Variants in TMEM117 observed in about 807,000 individuals in gnomAD.
TMEM117 encodes the protein transmembrane protein 117.
A neutral mutation model predicts 52.4 loss-of-function variants in TMEM117; 27 were observed. The observed-to-expected ratio is 0.51, with a 90% CI of 0.38 to 0.71. TMEM117 has a LOEUF of 0.71. Among genes scored for constraint, TMEM117 ranks in the 30% least tolerant of loss-of-function variants. The probability of loss-of-function intolerance (pLI) is 0.00; values close to 1 mark genes in which losing one functional copy is unlikely to be tolerated. For synonymous variants in TMEM117, 215 were observed against 206.3 expected (o/e 1.04, Z -0.36); for missense variants, 556 against 630.5 (o/e 0.88, Z 1.26).
intron 3 of TMEM117, among the ~76,000 whole-genome samples, chr12:44,092,952 A>G (rs1947698695): frequency 6.6e-6 from 1 of 152,196 alleles, no homozygotes; most frequent in South Asian, 2.1e-4. Context: ...GACTTGACCT[A>G]GTTTGGAGTG....
chr12:44,313,118 C>G (rs1367563570), intron 6 of TMEM117, among the ~76,000 whole-genome samples: 1 of 152,124 alleles, frequency 6.6e-6, no homozygotes, highest in Non-Finnish European at 1.5e-5. Flanking sequence ...TTAATTAGGT[C>G]TCACTTGTCA....
intron 4 of TMEM117, among the ~76,000 whole-genome samples, chr12:44,200,731 A>G (rs1243784093): frequency 6.6e-6 from 1 of 152,174 alleles, no homozygotes; most frequent in Non-Finnish European, 1.5e-5. Flanking sequence ...ATGTTTCAAG[A>G]CAATGAAAAG....
At chr12:44,040,743 A>C (rs1946783808) in intron 3 of TMEM117, among the ~76,000 whole-genome samples, 1 of 152,098 alleles carries the variant, frequency 6.6e-6, no homozygotes, top group African/African-American at 2.4e-5. Context: ...TTAAGATTTT[A>C]TGTTTCTTTT....
chr12:44,007,442 C>T lies in TMEM117; in HGVS notation c.410+63100C>T, dbSNP rs556623099. On this transcript the variant is annotated intron_variant, in intron 3 of 7. Coordinates refer to ENST00000266534, the MANE Select transcript of TMEM117 (RefSeq NM_032256.3). ...CCTAAGAAAGTCTTTATTTCTCTTTCGCTTTTGAAAAATAATTTCACAAGA... is the reference window on the plus strand; with the variant it reads ...CCTAAGAAAGTCTTTATTTCTCTTTTGCTTTTGAAAAATAATTTCACAAGA... Among the ~76,000 whole-genome samples the T allele has an allele frequency of 2.8e-4, 43 of 151,952 alleles. 2 individuals are homozygous for T. The highest frequency in any genetic ancestry group is 9.2e-4 in the African/African-American group (38 of 41,486).
intron 5 of TMEM117, among the ~76,000 whole-genome samples, chr12:44,280,589 A>G (rs577626239): frequency 6.6e-6 from 1 of 151,960 alleles, no homozygotes; most frequent in South Asian, 2.1e-4. Flanking sequence ...AGGTATGATT[A>G]TTTGTGTACA....
intron 4 of TMEM117, among the ~76,000 whole-genome samples, chr12:44,206,515 G>A (rs926343872): frequency 2.6e-5 from 4 of 152,144 alleles, no homozygotes; most frequent in African/African-American, 7.2e-5. Context: ...AATGCACATG[G>A]ATGTTTATTG....
At chr12:44,379,599 C>T (rs1301160147) in intron 7 of TMEM117, among the ~76,000 whole-genome samples, 1 of 152,150 alleles carries the variant, frequency 6.6e-6, no homozygotes, top group Non-Finnish European at 1.5e-5. Context: ...GCTGAGGCCA[C>T]CCCAGAGTAG....
chr12:44,367,677 A>G (rs1951807705), intron 6 of TMEM117, among the ~76,000 whole-genome samples: 3 of 152,050 alleles, frequency 2.0e-5, no homozygotes, highest in African/African-American at 7.2e-5. Context: ...AAAGATTCCC[A>G]ACTGCCTACA....
chr12:44,196,030 G>A (rs1264149986), intron 4 of TMEM117, among the ~76,000 whole-genome samples: 1 of 152,044 alleles, frequency 6.6e-6, no homozygotes, highest in African/African-American at 2.4e-5. Flanking sequence ...AGGCTGCAGT[G>A]AGCTATGATT....
chr12:44,055,886 A>G (rs1245856134), intron 3 of TMEM117, among the ~76,000 whole-genome samples: 1 of 152,074 alleles, frequency 6.6e-6, no homozygotes, highest in African/African-American at 2.4e-5. Flanking sequence ...ATTTTATTGT[A>G]TATTTCTACC....
chr12:44,327,570 A>G (rs1470706734), intron 6 of TMEM117, among the ~76,000 whole-genome samples: 1 of 152,242 alleles, frequency 6.6e-6, no homozygotes, highest in Non-Finnish European at 1.5e-5. Flanking sequence ...GAGAATGTGC[A>G]TAGTTAACCA....
the TMEM117 span, chr12:43,797,475 G>A: frequency 6.5e-7 from 1 of 1,538,132 alleles, no homozygotes; most frequent in Non-Finnish European, 8.8e-7. Flanking sequence ...AACAAAATAT[G>A]TTCATTAAAA....
At chr12:44,348,725 G>A (rs1951524322) in intron 6 of TMEM117, among the ~76,000 whole-genome samples, 1 of 151,922 alleles carries the variant, frequency 6.6e-6, no homozygotes, top group African/African-American at 2.4e-5. Flanking sequence ...AAGAAAAGGG[G>A]ATATTGGTAC....
chr12:44,191,101 AG>A (rs1344912803), intron 4 of TMEM117, among the ~76,000 whole-genome samples: 2 of 151,916 alleles, frequency 1.3e-5, no homozygotes, highest in Admixed American at 1.3e-4. Context: ...TCATGGTGGA[AG>A]GGGAAGCAAA....
chr12:44,188,261 G>A (rs1164423777), intron 4 of TMEM117, among the ~76,000 whole-genome samples: 1 of 152,084 alleles, frequency 6.6e-6, no homozygotes, highest in Non-Finnish European at 1.5e-5. Flanking sequence ...CATCCAATAA[G>A]TGATTTCAGC....
At chr12:43,977,451 A>G (rs1945690686) in intron 3 of TMEM117, among the ~76,000 whole-genome samples, 2 of 152,152 alleles carry the variant, frequency 1.3e-5, no homozygotes, top group African/African-American at 4.8e-5. Context: ...TCTCTTCCCC[A>G]TGTTAGCAAT....
At chr12:44,284,595 T>C (rs1950616495) in intron 5 of TMEM117, among the ~76,000 whole-genome samples, 1 of 152,210 alleles carries the variant, frequency 6.6e-6, no homozygotes, top group Non-Finnish European at 1.5e-5. Flanking sequence ...AATTTTGCAA[T>C]GCACAGGCCT....
At chr12:44,120,432 T>A (rs1453669319) in intron 3 of TMEM117, among the ~76,000 whole-genome samples, 1 of 152,166 alleles carries the variant, frequency 6.6e-6, no homozygotes, top group Non-Finnish European at 1.5e-5. Flanking sequence ...GGTATTTATC[T>A]AGAGGCCTCC....
intron 4 of TMEM117, among the ~76,000 whole-genome samples, chr12:44,172,639 C>T (rs1186503142): frequency 6.6e-6 from 1 of 152,178 alleles, no homozygotes; most frequent in African/African-American, 2.4e-5. Flanking sequence ...TTTTCAGGAA[C>T]ACAGTTAAAC....
Sources: allele counts gnomAD v4.1 joint callset (sites outside exome capture counted in the v4.1 genomes callset), GRCh38; gene constraint gnomAD v4.1.1; transcripts MANE v1.5; gene names NCBI Gene and HGNC (gene_info 2026-07-23, HGNC 2026-07-21).